The following SLC12A7 variants were observed in gnomAD, a reference collection of about 807,000 sequenced individuals.
The protein encoded by SLC12A7 is K-Cl cotransporter 4.
A neutral mutation model predicts 120.6 loss-of-function variants in SLC12A7; 100 were observed. The ratio of observed to expected loss-of-function variants is 0.83; its 90% CI spans 0.71 to 0.98. The LOEUF (loss-of-function observed/expected upper bound fraction) is 0.98. SLC12A7 is among the 50% of genes least tolerant of loss of function. SLC12A7 has a pLI of 0.00. For missense variants in SLC12A7, 1,373 were observed against 1,548.1 expected, an observed-to-expected ratio of 0.89 and a Z score of 1.90; for synonymous variants, 760 against 678.0, an observed-to-expected ratio of 1.12 and a Z score of -1.88.
At chr5:1,151,583 C>G in the SLC12A7 span, among the ~76,000 whole-genome samples, 1 of 152,358 alleles carries the variant, frequency 6.6e-6, no homozygotes, top group African/African-American at 2.4e-5. The surrounding 1 kb of genome is among the most constrained non-coding windows in gnomAD (Gnocchi z 6.2). Context: ...GAACTGGTCT[C>G]TGTCCCAGTG....
the SLC12A7 span, among the ~76,000 whole-genome samples, chr5:1,150,018 G>GA: frequency 6.6e-6 from 1 of 152,150 alleles, no homozygotes; most frequent in East Asian, 1.9e-4. Context: ...CAACGAGAGC[G>GA]AAACTCCACC....
At chr5:1,091,223 C>T (rs748510842) in intron 3 of SLC12A7, among the ~76,000 whole-genome samples, 19 of 152,220 alleles carry the variant, frequency 1.2e-4, no homozygotes, top group Non-Finnish European at 1.3e-4. Context: ...GTGGGAACCT[C>T]CTGGGCCCTG....
Position 1,060,330 on chromosome 5 carries a change from C to A in SLC12A7, c.2847+14G>T, listed in dbSNP as rs185652024. Reference sequence around the variant, plus strand: ...TCAGAAAGCCTGGTGTCTGTGGCCACGGCCCCCACGTACCTCTCGCTCCTG... The same window carrying A: ...TCAGAAAGCCTGGTGTCTGTGGCCAAGGCCCCCACGTACCTCTCGCTCCTG... On this transcript the variant is annotated intron_variant, in intron 21 of 23. Coordinates refer to ENST00000264930, the MANE Select transcript of SLC12A7 (RefSeq NM_006598.3). 1.3e-5 allele frequency: 21 copies of A among 1,593,304 alleles called. No homozygotes were observed. In the East Asian group the frequency reaches 3.8e-4, roughly 29 times the overall value.
Position 1,086,754 on chromosome 5 carries a change from C to T in SLC12A7, c.675+149G>A, listed in dbSNP as rs1156500831. 6 of 1,097,942 alleles carry T rather than the reference C, an allele frequency of 5.5e-6. No individual in the cohort carries two copies. In the Admixed American group the frequency reaches 1.5e-4, roughly 27 times the overall value. 68.0% of individuals were successfully genotyped at this position (1,097,942 alleles called of 1,614,324 possible). A position where few individuals can be genotyped will look rare whatever the true frequency, so the allele number is the denominator to read the frequency against. ...CGCTGCCCAGTGGCTTCCGCCATGG[C>T]CAGAGCCCAGGAGAGCCCAGGGGCA... On this transcript the variant is annotated intron_variant, in intron 6 of 23. Transcript: ENST00000264930.
chr5:1,142,876 G>A, the SLC12A7 span, among the ~76,000 whole-genome samples: 3 of 152,066 alleles, frequency 2.0e-5, no homozygotes, highest in South Asian at 4.2e-4. Flanking sequence ...AGAACTCAGG[G>A]GAGGTAAGGG....
At chr5:1,098,000 G>A (rs1741444144) in intron 1 of SLC12A7, among the ~76,000 whole-genome samples, 1 of 151,924 alleles carries the variant, frequency 6.6e-6, no homozygotes, top group Non-Finnish European at 1.5e-5. Context: ...GCGTCCCGGG[G>A]ACGTCATGGG....
In SLC12A7 at chr5:1,052,053, G is replaced by A; in HGVS notation, c.*307C>T. On this transcript the variant is annotated 3_prime_UTR_variant, in exon 24 of 24. Coordinates refer to ENST00000264930, the MANE Select transcript of SLC12A7 (RefSeq NM_006598.3). ...AAAGAACTTCCAGAAACCAAGGCAAGGGCTCACTGGCTTCTTGTGACCTGC... is the reference window on the plus strand; with the variant it reads ...AAAGAACTTCCAGAAACCAAGGCAAAGGCTCACTGGCTTCTTGTGACCTGC... 2.4e-6 allele frequency: 1 copy of A among 415,242 alleles called. No individual in the cohort carries two copies. The highest frequency in any genetic ancestry group is 4.3e-6 in the Non-Finnish European group (1 of 233,458). The allele number at this position is 415,242 out of a possible 1,614,324, so 25.7% of individuals were successfully genotyped here. A position where few individuals can be genotyped will look rare whatever the true frequency, so the allele number is the denominator to read the frequency against.
intron 17 of SLC12A7, among the ~76,000 whole-genome samples, chr5:1,069,218 G>A (rs538277055): frequency 4.6e-5 from 7 of 152,372 alleles, no homozygotes; most frequent in East Asian, 1.9e-4. Flanking sequence ...CGTGGCCAAC[G>A]TGGCGGGAGC....
chr5:1,073,915 A>G (rs1738017898), intron 16 of SLC12A7, 114 bp from the exon 17 acceptor site: 1 of 1,063,746 alleles, frequency 9.4e-7, no homozygotes, highest in South Asian at 3.7e-5. Flanking sequence ...GACGGGAGAT[A>G]CATGACAGGC....
At chr5:1,130,622 G>GCTGCCCACGC in the SLC12A7 span, among the ~76,000 whole-genome samples, 3 of 151,684 alleles carry the variant, frequency 2.0e-5, no homozygotes, top group Non-Finnish European at 4.4e-5. Flanking sequence ...AGCCAGGGTG[G>GCTGCCCACGC]GGGCAGCAGG....
At position 1,050,652 on chromosome 5, in the gene SLC12A7, G is replaced by C. The variant is rs1734945695; in HGVS notation, c.*1708C>G. 1 of 388,414 alleles carries C rather than the reference G, an allele frequency of 2.6e-6. No individual in the cohort carries two copies. Among genetic ancestry groups the C allele is most frequent in the East Asian group, 3.7e-5 (1 of 27,390 alleles). 24.1% of individuals were successfully genotyped at this position (388,414 alleles called of 1,614,324 possible). A position where few individuals can be genotyped will look rare whatever the true frequency, so the allele number is the denominator to read the frequency against. On this transcript the variant is annotated 3_prime_UTR_variant, in exon 24 of 24. Transcript: ENST00000264930. ...CCAACGTTCAGAGCCAGCACCATGT[G>C]GCCGCTGTGCCTCTAGCCTGCTCTC...
intron 3 of SLC12A7, among the ~76,000 whole-genome samples, chr5:1,090,376 G>A (rs1465635674): frequency 6.6e-6 from 1 of 152,194 alleles, no homozygotes; most frequent in Non-Finnish European, 1.5e-5. Context: ...TTGGTTCCCT[G>A]AGCCCTAGGT....
At chr5:1,136,047 T>C in the SLC12A7 span, among the ~76,000 whole-genome samples, 1 of 152,112 alleles carries the variant, frequency 6.6e-6, no homozygotes, top group African/African-American at 2.4e-5. Context: ...TGCCCCTTGA[T>C]TCATGCTGAG....
chr5:1,108,551 C>CT (rs1218490165), intron 1 of SLC12A7, among the ~76,000 whole-genome samples: 1 of 152,184 alleles, frequency 6.6e-6, no homozygotes, highest in Non-Finnish European at 1.5e-5. Flanking sequence ...CGGGAACGCC[C>CT]TCCTGAAATC....
chr5:1,123,719 C>T, the SLC12A7 span, among the ~76,000 whole-genome samples: 6 of 152,350 alleles, frequency 3.9e-5, no homozygotes, highest in Admixed American at 1.3e-4. Flanking sequence ...GAGCCGGGAT[C>T]GGGGCCTCCA....
chr5:1,122,535 A>T, the SLC12A7 span, among the ~76,000 whole-genome samples: 5 of 152,224 alleles, frequency 3.3e-5, no homozygotes, highest in East Asian at 9.6e-4. Context: ...TAAGTGTCCG[A>T]CGGACGAACC....
intron 13 of SLC12A7, 49 bp from the exon 14 acceptor site, chr5:1,076,285 C>T (rs1281494676): frequency 1.1e-5 from 16 of 1,478,620 alleles, no homozygotes; most frequent in Non-Finnish European, 1.5e-5. Flanking sequence ...CCCCCCTGAG[C>T]CCCCAGTCAC....
the SLC12A7 span, among the ~76,000 whole-genome samples, chr5:1,132,225 C>T: frequency 6.6e-6 from 1 of 152,142 alleles, no homozygotes; most frequent in East Asian, 1.9e-4. Flanking sequence ...AGCACGGTGG[C>T]AGTTTACAGA....
At chr5:1,063,479 G>A (rs945913304) in intron 20 of SLC12A7, among the ~76,000 whole-genome samples, 3 of 152,124 alleles carry the variant, frequency 2.0e-5, no homozygotes, top group Admixed American at 6.5e-5. Flanking sequence ...ACCCACACCC[G>A]TGTTACACGA....
Sources: allele counts gnomAD v4.1 joint callset (sites outside exome capture counted in the v4.1 genomes callset), GRCh38; gene constraint gnomAD v4.1.1; non-coding constraint Gnocchi (gnomAD v3.1); transcripts MANE v1.5; gene names NCBI Gene and HGNC (gene_info 2026-07-23, HGNC 2026-07-21).